PCDHB5: variants seen among roughly 807,000 people sequenced by gnomAD.
The protein encoded by PCDHB5 is protocadherin beta 5.
For missense variants in PCDHB5, 1,125 were observed against 1,029.4 expected, an observed-to-expected ratio of 1.09 and a Z score of -1.27; for synonymous variants, 569 against 462.2, an observed-to-expected ratio of 1.23 and a Z score of -2.96.
rs1262353255 is a variant in PCDHB5, at chr5:141,137,724, A to G, written c.2290A>G (p.Lys764Glu). 1 of 1,614,064 alleles carries G rather than the reference A, an allele frequency of 6.2e-7. No homozygotes were observed. The highest frequency in any genetic ancestry group is 1.3e-5 in the African/African-American group (1 of 74,918). The change falls in exon 1 of 1, where the codon AAG (lysine) becomes GAG (glutamate). Residue 764 changes from lysine to glutamate, a missense_variant. Coordinates refer to ENST00000231134, the MANE Select transcript of PCDHB5 (RefSeq NM_015669.5). Reference sequence around the variant, plus strand: ...CGGAGACTCAGGGGCCGGCGAGTTCAAGTTCCTGAAGCCGATTATTCCTAA... The same window carrying G: ...CGGAGACTCAGGGGCCGGCGAGTTCGAGTTCCTGAAGCCGATTATTCCTAA... ...LTGDSGAGEF[K>E]FLKPIIPNLL... is the part of the protein sequence containing the mutation.
In PCDHB5 at chr5:141,137,793, G is replaced by A. The variant is rs782805334; in HGVS notation, c.2359G>A (p.Ala787Thr). 8 of 1,610,562 alleles carry A rather than the reference G, an allele frequency of 5.0e-6. No homozygotes were observed. The highest frequency in any genetic ancestry group is 6.8e-6 in the Non-Finnish European group (8 of 1,178,194). Reference sequence around the variant, plus strand: ...TGGTGAAGAAATAGGGAAAACTGCTGCCTTCCGGAATAGCTTTGGATTAAA... The same window carrying A: ...TGGTGAAGAAATAGGGAAAACTGCTACCTTCCGGAATAGCTTTGGATTAAA... ...GAGEEIGKTA[A>T]FRNSFGLN Residue 787 changes from alanine to threonine, a missense_variant, in exon 1 of 1, where the codon GCC (alanine) becomes ACC (threonine). Transcript: ENST00000231134.
At position 141,137,169 on chromosome 5, in the gene PCDHB5, G is replaced by A. The variant is rs782544553; in HGVS notation, c.1735G>A (p.Ala579Thr). The A allele has an allele frequency of 3.7e-6, 6 of 1,610,670 alleles. No individual in the cohort carries two copies. The Admixed American group carries it at 5.0e-5, about 13-fold the overall frequency. The change falls in exon 1 of 1, where the codon GCC (alanine) becomes ACC (threonine). Residue 579 changes from alanine (A) to threonine (T), a missense_variant. By Grantham distance (58) the Ala-to-Thr change is moderately conservative (BLOSUM62 0). Coordinates refer to ENST00000231134, the MANE Select transcript of PCDHB5 (RefSeq NM_015669.5). ...TTGCACCGAGCTGGTGCCCCGGGCG[G>A]CCGAGCCGGGCTACCTGGTGACCAA... ...APCTELVPRA[A>T]EPGYLVTKVV...
chr5:141,136,841 C>T lies in PCDHB5; in HGVS notation c.1407C>T (p.Ile469=), dbSNP rs369704837. 14 of 1,613,052 alleles carry T rather than the reference C, an allele frequency of 8.7e-6. No individual in the cohort carries two copies. In the African/African-American group the frequency reaches 1.6e-4, roughly 18 times the overall value. Residue 469 remains isoleucine (I), a synonymous_variant, in exon 1 of 1, where the codon ATC becomes ATT. Coordinates refer to ENST00000231134, the MANE Select transcript of PCDHB5 (RefSeq NM_015669.5). ...AGAACAACAGCCCCGCCCTGCACAT[C>T]GGCAGTGTCAGCGCCACAGACAGAG... is the stretch of plus-strand genomic sequence containing the variant. ...VRENNSPALH[I]GSVSATDRDS...
Position 141,136,836 on chromosome 5 carries a change from C to A in PCDHB5, c.1402C>A (p.His468Asn), listed in dbSNP as rs1752592176. ...CCGAGAGAACAACAGCCCCGCCCTG[C>A]ACATCGGCAGTGTCAGCGCCACAGA... is the stretch of plus-strand genomic sequence containing the variant. ...FVRENNSPAL[H>N]IGSVSATDRD... The change falls in exon 1 of 1, where the codon CAC becomes AAC. Residue 468 changes from histidine (H) to asparagine (N), a missense_variant. Coordinates refer to ENST00000231134, the MANE Select transcript of PCDHB5 (RefSeq NM_015669.5). 1.2e-6 allele frequency: 2 copies of A among 1,613,180 alleles called. No individual in the cohort carries two copies. Among genetic ancestry groups the A allele is most frequent in the Non-Finnish European group, 1.7e-6 (2 of 1,180,054 alleles).
chr5:141,135,455 A>C lies in PCDHB5; in HGVS notation c.21A>C (p.Lys7Asn). The change falls in exon 1 of 1, where the codon AAA becomes AAC. Residue 7 changes from lysine to asparagine, a missense_variant. Lys to Asn is a moderately conservative substitution (Grantham distance 94). Transcript: ENST00000231134. METALA[K>N]TPQKRQVMFL... Reference sequence around the variant, plus strand: ...GAACAATGGAGACTGCGCTAGCAAAAACGCCACAGAAAAGGCAAGTTATGT... The same window carrying C: ...GAACAATGGAGACTGCGCTAGCAAACACGCCACAGAAAAGGCAAGTTATGT... 3 of 1,610,924 alleles carry C rather than the reference A, an allele frequency of 1.9e-6. No homozygotes were observed. Among genetic ancestry groups the C allele is most frequent in the Non-Finnish European group, 2.5e-6 (3 of 1,178,498 alleles).
rs1752588015 is a variant in PCDHB5 at position 141,136,744 on chromosome 5, C to CAT, written c.1310_1311insAT (p.Val438TrpfsTer104). 2 of 1,614,158 alleles carry CAT rather than the reference C, an allele frequency of 1.2e-6. No homozygotes were observed. The highest frequency in any genetic ancestry group is 1.7e-5 in the Admixed American group (1 of 60,018). ...AGGCTGAAAACCGAGCACAACATAA[C>CAT]GGTCCTGGTCTCCGACGTCAATGAC... On this transcript the variant is annotated frameshift_variant, in exon 1 of 1. Transcript: ENST00000231134. LOFTEE classifies it low-confidence loss of function (END_TRUNC).
At position 141,136,424 on chromosome 5, in the gene PCDHB5, C is replaced by T; in HGVS notation, c.990C>T (p.Cys330=). The change falls in exon 1 of 1, where the codon TGC becomes TGT. Residue 330 remains cysteine (C), a synonymous_variant. Transcript: ENST00000231134. ...ATDGGGLSGK[C]TVAIEVVDVN... is the part of the protein sequence containing the mutation. ...ATGGTGGGGGCCTTTCAGGAAAATG[C>T]ACTGTGGCTATAGAAGTGGTGGATG... is the stretch of plus-strand genomic sequence containing the variant. 1.2e-6 allele frequency: 2 copies of T among 1,614,130 alleles called. No homozygotes were observed. The highest frequency in any genetic ancestry group is 1.7e-6 in the Non-Finnish European group (2 of 1,180,014).
Position 141,137,411 on chromosome 5 carries a change from G to C in PCDHB5, c.1977G>C (p.Val659=). The C allele has an allele frequency of 6.2e-7, 1 of 1,610,916 alleles. No individual in the cohort carries two copies. ...PPRSATATLH[V]LLVDGFSQPY... is the part of the protein sequence containing the mutation. ...GCTCGGCCACCGCCACGCTGCACGTGCTCCTGGTGGACGGCTTCTCCCAGC... is the reference window on the plus strand; with the variant it reads ...GCTCGGCCACCGCCACGCTGCACGTCCTCCTGGTGGACGGCTTCTCCCAGC... The change falls in exon 1 of 1, where the codon GTG becomes GTC. Residue 659 remains valine (V), a synonymous_variant. Transcript: ENST00000231134.
In PCDHB5 at chr5:141,135,918, A is replaced by G. The variant is rs782244426; in HGVS notation, c.484A>G (p.Ile162Val). 6.2e-7 allele frequency: 1 copy of G among 1,614,206 alleles called. No individual in the cohort carries two copies. The highest frequency in any genetic ancestry group is 1.1e-5 in the South Asian group (1 of 91,076). The change falls in exon 1 of 1, where the codon ATA becomes GTA. Residue 162 changes from isoleucine to valine, a missense_variant. Ile to Val is a conservative substitution (Grantham distance 29). Transcript: ENST00000231134. ...CTTAAAAATAGCCCAGGACTTTGAC[A>G]TAGGTAGCAACACTGTTCAGAACTA... is the stretch of plus-strand genomic sequence containing the variant. The part of the protein sequence containing the change: ...FPLKIAQDFD[I>V]GSNTVQNYTI...
At position 141,136,690 on chromosome 5, in the gene PCDHB5, C is replaced by T. The variant is rs1455629928; in HGVS notation, c.1256C>T (p.Thr419Ile). The change falls in exon 1 of 1, where the codon ACC (threonine) becomes ATC (isoleucine). Residue 419 changes from threonine (T) to isoleucine (I), a missense_variant. Transcript: ENST00000231134. ...GAGAGCCAAGCCGAGTACAACATCA[C>T]CATCACTGTCACCGACATGGGGACA... ...DRESQAEYNI[T>I]ITVTDMGTPR... The T allele has an allele frequency of 1.9e-6, 3 of 1,614,046 alleles. No homozygotes were observed. The highest frequency in any genetic ancestry group is 2.5e-6 in the Non-Finnish European group (3 of 1,180,034).
rs782452090 is a variant in PCDHB5, at chr5:141,137,104, C to G, written c.1670C>G (p.Ser557Trp). 52 of 1,611,500 alleles carry G rather than the reference C, an allele frequency of 3.2e-5. No homozygotes were observed. In the Admixed American group the frequency reaches 8.5e-4, roughly 26 times the overall value. The stretch of plus-strand genomic sequence containing the variant: ...CTGGTGCTGGACGCCAACGACAACT[C>G]GCCCTTCGTGCTGTATCCGCTGCAG... ...RVLVLDANDN[S>W]PFVLYPLQNG... is the part of the protein sequence containing the mutation. Residue 557 changes from serine to tryptophan, a missense_variant, in exon 1 of 1, where the codon TCG (serine) becomes TGG (tryptophan). By Grantham distance (177) the Ser-to-Trp change is radical. Transcript: ENST00000231134.
Position 141,135,577 on chromosome 5 carries a change from T to A in PCDHB5, c.143T>A (p.Leu48Gln). 1.2e-6 allele frequency: 2 copies of A among 1,614,100 alleles called. No individual in the cohort carries two copies. The highest frequency in any genetic ancestry group is 2.2e-5 in the South Asian group (2 of 91,074). The stretch of plus-strand genomic sequence containing the variant: ...GAAAGTGGCTATTCTGTGGCCAACC[T>A]GGCAAAAGACCTGGGTCTTGGGGTG... The part of the protein sequence containing the change: ...ETESGYSVAN[L>Q]AKDLGLGVGE... The change falls in exon 1 of 1, where the codon CTG (leucine) becomes CAG (glutamine). Residue 48 changes from leucine to glutamine, a missense_variant. Coordinates refer to ENST00000231134, the MANE Select transcript of PCDHB5 (RefSeq NM_015669.5).
At position 141,136,466 on chromosome 5, in the gene PCDHB5, T is replaced by A. The variant is rs141711525; in HGVS notation, c.1032T>A (p.Pro344=). ...IEVVDVNDNA[P]ELTMSTLSSP... ...TGGTGGATGTGAATGACAACGCCCC[T>A]GAACTCACCATGTCTACGCTCTCCA... The change falls in exon 1 of 1, where the codon CCT becomes CCA. Residue 344 remains proline, a synonymous_variant. Transcript: ENST00000231134. 3.1e-6 allele frequency: 5 copies of A among 1,613,786 alleles called. No homozygotes were observed. The Admixed American group carries it at 8.3e-5, about 27-fold the overall frequency.
rs1450169772 is a variant in PCDHB5, at chr5:141,136,985, G to A, written c.1551G>A (p.Ser517=). Residue 517 remains serine (S), a synonymous_variant, in exon 1 of 1, where the codon TCG becomes TCA. Coordinates refer to ENST00000231134, the MANE Select transcript of PCDHB5 (RefSeq NM_015669.5). The stretch of plus-strand genomic sequence containing the variant: ...ACGGCCACCTGTTTGCCCTCAGGTC[G>A]CTGGACTACGAGGCCCTGCAGGCGT... ...ADNGHLFALR[S]LDYEALQAFE... 1.9e-6 allele frequency: 3 copies of A among 1,612,382 alleles called. No homozygotes were observed. The highest frequency in any genetic ancestry group is 2.5e-6 in the Non-Finnish European group (3 of 1,179,912).
rs1752559552 is a variant in PCDHB5 at position 141,135,923 on chromosome 5, T to G, written c.489T>G (p.Gly163=). Reference sequence around the variant, plus strand: ...AAATAGCCCAGGACTTTGACATAGGTAGCAACACTGTTCAGAACTACACAA... The same window carrying G: ...AAATAGCCCAGGACTTTGACATAGGGAGCAACACTGTTCAGAACTACACAA... ...PLKIAQDFDI[G]SNTVQNYTIS... The change falls in exon 1 of 1, where the codon GGT becomes GGG. Residue 163 remains glycine, a synonymous_variant. Transcript: ENST00000231134. 6.2e-7 allele frequency: 1 copy of G among 1,614,132 alleles called. No individual in the cohort carries two copies. Among genetic ancestry groups the G allele is most frequent in the Non-Finnish European group, 8.5e-7 (1 of 1,180,002 alleles).
chr5:141,137,415 C>T lies in PCDHB5; in HGVS notation c.1981C>T (p.Leu661=), dbSNP rs782115445. The T allele has an allele frequency of 1.2e-6, 2 of 1,611,248 alleles. No individual in the cohort carries two copies. Among genetic ancestry groups the T allele is most frequent in the Non-Finnish European group, 1.7e-6 (2 of 1,179,490 alleles). ...RSATATLHVL[L]VDGFSQPYLP... The stretch of plus-strand genomic sequence containing the variant: ...GGCCACCGCCACGCTGCACGTGCTC[C>T]TGGTGGACGGCTTCTCCCAGCCCTA... Residue 661 remains leucine, a synonymous_variant, in exon 1 of 1, where the codon CTG becomes TTG. Transcript: ENST00000231134.
chr5:141,136,442 G>C lies in PCDHB5; in HGVS notation c.1008G>C (p.Val336=). 6.2e-7 allele frequency: 1 copy of C among 1,613,968 alleles called. No individual in the cohort carries two copies. The highest frequency in any genetic ancestry group is 8.5e-7 in the Non-Finnish European group (1 of 1,179,984). ...LSGKCTVAIE[V]VDVNDNAPEL... is the part of the protein sequence containing the mutation. ...GAAAATGCACTGTGGCTATAGAAGT[G>C]GTGGATGTGAATGACAACGCCCCTG... is the stretch of plus-strand genomic sequence containing the variant. Residue 336 remains valine (V), a synonymous_variant, in exon 1 of 1, where the codon GTG becomes GTC. Coordinates refer to ENST00000231134, the MANE Select transcript of PCDHB5 (RefSeq NM_015669.5).
At position 141,137,248 on chromosome 5, in the gene PCDHB5, T is replaced by A. The variant is rs1752610095; in HGVS notation, c.1814T>A (p.Leu605Gln). Reference sequence around the variant, plus strand: ...CAGAACGCCTGGCTGTCGTACCAGCTGCTCAAGGCCACGGAGCCCGGGCTG... The same window carrying A: ...CAGAACGCCTGGCTGTCGTACCAGCAGCTCAAGGCCACGGAGCCCGGGCTG... ...SGQNAWLSYQ[L>Q]LKATEPGLFS... The change falls in exon 1 of 1, where the codon CTG (leucine) becomes CAG (glutamine). Residue 605 changes from leucine to glutamine, a missense_variant. Transcript: ENST00000231134. 3 of 1,610,772 alleles carry A rather than the reference T, an allele frequency of 1.9e-6. No homozygotes were observed. The highest frequency in any genetic ancestry group is 2.5e-6 in the Non-Finnish European group (3 of 1,179,668).
chr5:141,137,795 C>T lies in PCDHB5; in HGVS notation c.2361C>T (p.Ala787=), dbSNP rs1183671360. 6.2e-7 allele frequency: 1 copy of T among 1,609,504 alleles called. No homozygotes were observed. Among genetic ancestry groups the T allele is most frequent in the Non-Finnish European group, 8.5e-7 (1 of 1,177,656 alleles). ...GTGAAGAAATAGGGAAAACTGCTGC[C>T]TTCCGGAATAGCTTTGGATTAAATT... ...GAGEEIGKTA[A]FRNSFGLN The change falls in exon 1 of 1, where the codon GCC becomes GCT. Residue 787 remains alanine (A), a synonymous_variant. Coordinates refer to ENST00000231134, the MANE Select transcript of PCDHB5 (RefSeq NM_015669.5).
Sources: allele counts gnomAD v4.1 joint callset, GRCh38; gene constraint gnomAD v4.1.1; transcripts MANE v1.5; gene names NCBI Gene and HGNC (gene_info 2026-07-23, HGNC 2026-07-21).